ZFHX3: variants seen among roughly 807,000 people sequenced by gnomAD.
The protein encoded by ZFHX3 is zinc finger homeobox 3.
ZFHX3 carries 42 observed loss-of-function variants against 279.1 expected under a neutral mutation model. That is an observed-to-expected ratio of 0.15 (90% CI 0.12 to 0.19). ZFHX3 has a LOEUF of 0.19. Among genes scored for constraint, ZFHX3 ranks in the 10% least tolerant of loss-of-function variants. ZFHX3 has a pLI of 1.00. For missense variants in ZFHX3, 4,981 were observed against 4,754.0 expected, an observed-to-expected ratio of 1.05 and a Z score of -1.40; for synonymous variants, 2,293 against 1,957.8, an observed-to-expected ratio of 1.17 and a Z score of -4.52.
chr16:73,528,863 A>G (rs532508608), intron 2 of ZFHX3, among the ~76,000 whole-genome samples: 27 of 152,226 alleles, frequency 1.8e-4, no homozygotes, highest in Non-Finnish European at 3.1e-4. Flanking sequence ...CACCAGCTAC[A>G]GTATAATGAT....
At chr16:73,312,903 C>T (rs569114779) in intron 4 of ZFHX3, among the ~76,000 whole-genome samples, 3 of 152,260 alleles carry the variant, frequency 2.0e-5, no homozygotes, top group African/African-American at 7.2e-5. Flanking sequence ...TGCCTCTATC[C>T]TCATTTTACA....
At chr16:73,199,053 G>A (rs1473405721) in intron 5 of ZFHX3, among the ~76,000 whole-genome samples, 1 of 152,210 alleles carries the variant, frequency 6.6e-6, no homozygotes, top group African/African-American at 2.4e-5. Context: ...CTATTAGGCT[G>A]AGACCAGAGA....
chr16:73,001,630 T>C (rs563204188), intron 1 of ZFHX3, among the ~76,000 whole-genome samples: 2 of 151,896 alleles, frequency 1.3e-5, no homozygotes, highest in Non-Finnish European at 2.9e-5. Context: ...CTGGGCAAGA[T>C]AGCAAGACTC....
At chr16:73,430,191 C>A (rs1423826634) in intron 3 of ZFHX3, among the ~76,000 whole-genome samples, 1 of 152,086 alleles carries the variant, frequency 6.6e-6, no homozygotes, top group Admixed American at 6.5e-5. Flanking sequence ...TGCTGGCTCT[C>A]CTCCACTCAA....
intron 2 of ZFHX3, among the ~76,000 whole-genome samples, chr16:73,574,150 A>G (rs1335158000): frequency 6.6e-6 from 1 of 152,222 alleles, no homozygotes; most frequent in East Asian, 1.9e-4. Flanking sequence ...GTGAGGCTAA[A>G]GTACAATGAG....
At chr16:73,075,433 T>C (rs1965877177) in intron 8 of ZFHX3, among the ~76,000 whole-genome samples, 1 of 152,152 alleles carries the variant, frequency 6.6e-6, no homozygotes, top group African/African-American at 2.4e-5. Context: ...GTTGGTATGT[T>C]TTTAAAAATA....
chr16:73,264,834 G>A (rs922828137), intron 4 of ZFHX3, among the ~76,000 whole-genome samples: 4 of 152,092 alleles, frequency 2.6e-5, no homozygotes, highest in South Asian at 4.2e-4. Context: ...ACAATGTTTG[G>A]TTTTCCATTC....
intron 3 of ZFHX3, among the ~76,000 whole-genome samples, chr16:72,900,540 C>T (rs2039009437): frequency 6.6e-6 from 1 of 152,188 alleles, no homozygotes; most frequent in Non-Finnish European, 1.5e-5. Flanking sequence ...ATATTTGAGA[C>T]AGTGATGGTC....
chr16:72,958,579 G>A lies in ZFHX3; in HGVS notation c.1567C>T (p.Leu523Phe), dbSNP rs754417425. 16 of 1,614,038 alleles carry A rather than the reference G, an allele frequency of 9.9e-6. No homozygotes were observed. The highest frequency in any genetic ancestry group is 1.2e-5 in the Non-Finnish European group (14 of 1,180,046). The change falls in exon 2 of 10, where the codon CTT (leucine) becomes TTT (phenylalanine). Residue 523 changes from leucine to phenylalanine, a missense_variant. By Grantham distance (22) the Leu-to-Phe change is conservative. Transcript: ENST00000268489. ...AAAGSSSKKDLALSNQSISNS... is the reference protein window; with the variant it reads ...AAAGSSSKKDFALSNQSISNS... Reference sequence around the variant, plus strand: ...GAAATGCTTTGGTTTGAGAGAGCAAGGTCCTTTTTGCTGCTACTACCTGCT... The same window carrying A: ...GAAATGCTTTGGTTTGAGAGAGCAAAGTCCTTTTTGCTGCTACTACCTGCT...
intron 1 of ZFHX3, among the ~76,000 whole-genome samples, chr16:73,847,801 A>C (rs1597142080): frequency 1.3e-5 from 2 of 151,922 alleles, no homozygotes; most frequent in Non-Finnish European, 2.9e-5. Context: ...ACAGTGGCAC[A>C]ATCTTGCCTC....
intron 5 of ZFHX3, among the ~76,000 whole-genome samples, chr16:73,254,593 C>G (rs1252322055): frequency 2.0e-5 from 3 of 151,902 alleles, no homozygotes; most frequent in African/African-American, 7.3e-5. Flanking sequence ...CACCCAGCTT[C>G]CTCCAATGGC....
At chr16:73,809,578 G>C (rs576410085) in intron 1 of ZFHX3, 1 of 152,194 alleles carries the variant, frequency 6.6e-6, no homozygotes, top group Non-Finnish European at 1.5e-5. Flanking sequence ...TATTAACAGT[G>C]AAAGTGCATT....
chr16:73,396,352 C>A (rs773127380), intron 3 of ZFHX3, among the ~76,000 whole-genome samples: 61 of 152,216 alleles, frequency 4.0e-4, no homozygotes, highest in Non-Finnish European at 7.9e-4. Context: ...CCCTCCTAAC[C>A]TCCTTCTGCA....
At chr16:73,852,807 T>C (rs1199142544) in intron 1 of ZFHX3, among the ~76,000 whole-genome samples, 4 of 152,126 alleles carry the variant, frequency 2.6e-5, no homozygotes, top group African/African-American at 9.7e-5. Flanking sequence ...CATTTGCTGA[T>C]GAGACTAAAA....
intron 3 of ZFHX3, among the ~76,000 whole-genome samples, chr16:73,418,554 T>C (rs945581813): frequency 1.2e-4 from 18 of 152,086 alleles, no homozygotes; most frequent in Admixed American, 6.5e-5. Flanking sequence ...CACTGCAGAG[T>C]ATGTGTGAGA....
chr16:73,183,031 C>G (rs1199663709), intron 5 of ZFHX3, among the ~76,000 whole-genome samples: 2 of 152,082 alleles, frequency 1.3e-5, no homozygotes, highest in African/African-American at 4.8e-5. Context: ...ATGGTGAAAC[C>G]CCATCTCTAC....
At chr16:73,035,433 T>C (rs1964863642) in intron 1 of ZFHX3, among the ~76,000 whole-genome samples, 1 of 152,218 alleles carries the variant, frequency 6.6e-6, no homozygotes, top group Non-Finnish European at 1.5e-5. Context: ...CAGACTTCTC[T>C]TGTCTGTCTT....
At chr16:73,055,293 A>T (rs1449105459) in intron 1 of ZFHX3, among the ~76,000 whole-genome samples, 2 of 151,920 alleles carry the variant, frequency 1.3e-5, no homozygotes, top group Non-Finnish European at 2.9e-5. Context: ...TGGATTCGGT[A>T]TTGTGGGTTT....
intron 1 of ZFHX3, chr16:73,796,465 C>G (rs379401): frequency 0.37 from 56,500 of 152,080 alleles, 10,885 homozygotes; most frequent in South Asian, 0.54. Context: ...ATAAGAGAGA[C>G]CAACTGCAGC....
Sources: gnomAD v4.1 joint callset for allele counts (sites outside exome capture counted in the v4.1 genomes callset) on GRCh38, gnomAD v4.1.1 for gene constraint, MANE v1.5 for transcripts, NCBI Gene and HGNC (gene_info 2026-07-23, HGNC 2026-07-21) for gene names.